Variants in PPP2R2B observed in about 807,000 individuals in gnomAD.
PPP2R2B encodes protein phosphatase 2 regulatory subunit Bbeta.
In PPP2R2B, 5 loss-of-function variants were observed where a neutral mutation model predicts 46.0. The ratio of observed to expected loss-of-function variants is 0.11; its 90% CI spans 0.06 to 0.23. The LOEUF is 0.23. Ranked by LOEUF, PPP2R2B falls within the 10% of genes least tolerant of loss-of-function variation. The pLI is 1.00. For synonymous variants in PPP2R2B, 215 were observed against 206.7 expected (o/e 1.04, Z -0.34); for missense variants, 367 against 575.0 (o/e 0.64, Z 3.70).
intron 1 of PPP2R2B, among the ~76,000 whole-genome samples, chr5:147,053,247 G>A (rs1756917773): frequency 6.8e-6 from 1 of 146,386 alleles, no homozygotes. Context: ...CACAAAAAAA[G>A]CAAACAAAAC....
chr5:146,894,564 T>C (rs1307433093), intron 1 of PPP2R2B, among the ~76,000 whole-genome samples: 1 of 152,142 alleles, frequency 6.6e-6, no homozygotes, highest in Non-Finnish European at 1.5e-5. Context: ...CTCAGCCTCC[T>C]GAGTAGCTGG....
In PPP2R2B at chr5:146,589,303, C is replaced by CTGTT. The variant is rs891635409; in HGVS notation, c.*640_*643dup. ...CAAGTTCCCTAGCCAAATTCTCAGG[C>CTGTT]TGTTTCTATGGAGCTTACAAAAAAA... On this transcript the variant is annotated 3_prime_UTR_variant, in exon 10 of 10. Transcript: ENST00000394411. 2 of 152,336 alleles carry CTGTT rather than the reference C, an allele frequency of 1.3e-5. No individual in the cohort carries two copies. The highest frequency in any genetic ancestry group is 2.9e-5 in the Non-Finnish European group (2 of 68,142). The allele number at this position is 152,336 out of a possible 1,614,324, so 9.4% of individuals were successfully genotyped here.
chr5:146,983,690 G>T (rs942190424), intron 1 of PPP2R2B, among the ~76,000 whole-genome samples: 1 of 151,976 alleles, frequency 6.6e-6, no homozygotes, highest in African/African-American at 2.4e-5. Flanking sequence ...ATCAGACATT[G>T]TCATAATTTT....
At chr5:146,633,636 A>G (rs1359286072) in intron 7 of PPP2R2B, among the ~76,000 whole-genome samples, 3 of 152,250 alleles carry the variant, frequency 2.0e-5, no homozygotes, top group Non-Finnish European at 4.4e-5. Context: ...GTGTTGGAAT[A>G]GGGAGTGGGA....
chr5:146,706,512 C>T (rs1779864073), intron 2 of PPP2R2B: 2 of 1,181,746 alleles, frequency 1.7e-6, no homozygotes, highest in Non-Finnish European at 2.5e-6. Context: ...CTGGTAGGCA[C>T]GCAGCTGCCG....
intron 5 of PPP2R2B, among the ~76,000 whole-genome samples, chr5:146,687,107 GGAGA>G (rs942174244): frequency 1.3e-5 from 2 of 151,290 alleles, no homozygotes; most frequent in African/African-American, 2.4e-5. Context: ...AGAGGGAGAG[GGAGA>G]GAGAGGGAGC....
chr5:147,023,350 G>A (rs1440011542), intron 1 of PPP2R2B, among the ~76,000 whole-genome samples: 2 of 151,984 alleles, frequency 1.3e-5, no homozygotes, highest in African/African-American at 4.8e-5. Context: ...AAAAGAAGAA[G>A]CAAGGAACAA....
At chr5:147,040,939 G>C in intron 1 of PPP2R2B, 1 of 369,626 alleles carries the variant, frequency 2.7e-6, no homozygotes, top group Non-Finnish European at 5.3e-6. Context: ...AAAGGTAGTC[G>C]ATTCTTTATA....
chr5:147,003,652 A>G (rs1266687889), intron 1 of PPP2R2B, among the ~76,000 whole-genome samples: 4 of 152,196 alleles, frequency 2.6e-5, no homozygotes, highest in Non-Finnish European at 5.9e-5. Flanking sequence ...TCTACCAGTC[A>G]GCAAGCCATC....
chr5:146,669,160 A>G, intron 5 of PPP2R2B, among the ~76,000 whole-genome samples: 1 of 152,184 alleles, frequency 6.6e-6, no homozygotes, highest in East Asian at 1.9e-4. Flanking sequence ...CATTCTATTT[A>G]GTATTTATTT....
intron 1 of PPP2R2B, among the ~76,000 whole-genome samples, chr5:146,913,630 CA>C (rs1180295354): frequency 6.6e-6 from 1 of 151,780 alleles, no homozygotes; most frequent in Admixed American, 6.6e-5. Flanking sequence ...GAGGACCCCA[CA>C]AGACATGGTT....
chr5:146,971,765 G>A (rs1246766214), intron 1 of PPP2R2B, among the ~76,000 whole-genome samples: 4 of 151,984 alleles, frequency 2.6e-5, no homozygotes. Flanking sequence ...AACTTTTTAT[G>A]TTTGTGGTAC....
At chr5:146,775,171 TCAGA>T (rs1033153542) in intron 2 of PPP2R2B, among the ~76,000 whole-genome samples, 3 of 152,170 alleles carry the variant, frequency 2.0e-5, no homozygotes, top group African/African-American at 4.8e-5. Context: ...GATACTAAAG[TCAGA>T]CAGACAACAC....
At chr5:146,668,197 C>G (rs902694488) in intron 5 of PPP2R2B, among the ~76,000 whole-genome samples, 2 of 152,152 alleles carry the variant, frequency 1.3e-5, no homozygotes, top group Non-Finnish European at 2.9e-5. Flanking sequence ...GATTAATTCT[C>G]TAGCTTCCTT....
chr5:146,599,458 G>A (rs1268535621), intron 8 of PPP2R2B, among the ~76,000 whole-genome samples: 1 of 152,110 alleles, frequency 6.6e-6, no homozygotes, highest in African/African-American at 2.4e-5. Flanking sequence ...TTATTTCCTG[G>A]TGTAAAACTT....
chr5:146,727,688 TA>T (rs1751961362), intron 2 of PPP2R2B, among the ~76,000 whole-genome samples: 1 of 152,110 alleles, frequency 6.6e-6, no homozygotes, highest in Non-Finnish European at 1.5e-5. Context: ...AAAAAAATTA[TA>T]AAAAATAAAC....
chr5:146,968,627 A>G (rs1408935039), intron 1 of PPP2R2B, among the ~76,000 whole-genome samples: 1 of 152,240 alleles, frequency 6.6e-6, no homozygotes, highest in Admixed American at 6.5e-5. Flanking sequence ...TGTGTTGTTC[A>G]CAGATACTAT....
chr5:146,657,243 T>C (rs1045938452), intron 5 of PPP2R2B, among the ~76,000 whole-genome samples: 3 of 152,078 alleles, frequency 2.0e-5, no homozygotes, highest in Non-Finnish European at 4.4e-5. Flanking sequence ...GAGGAGTTTT[T>C]CACAGAGAAA....
At chr5:146,670,978 C>G (rs922290331) in intron 5 of PPP2R2B, among the ~76,000 whole-genome samples, 23 of 152,046 alleles carry the variant, frequency 1.5e-4, no homozygotes, top group African/African-American at 5.3e-4. Context: ...TCTGAAAAGA[C>G]AGAGTGTAAG....
Sources: allele counts gnomAD v4.1 joint callset (sites outside exome capture counted in the v4.1 genomes callset), GRCh38; gene constraint gnomAD v4.1.1; transcripts MANE v1.5; gene names NCBI Gene and HGNC (gene_info 2026-07-23, HGNC 2026-07-21).